LAMA3: variants seen among roughly 807,000 people sequenced by gnomAD.
LAMA3 encodes laminin subunit alpha 3, also known as laminin subunit alpha-3.
LAMA3 carries 281 observed loss-of-function variants against 402.0 expected under a neutral mutation model. The ratio of observed to expected loss-of-function variants is 0.70; its 90% CI spans 0.63 to 0.77. The LOEUF is 0.77. Ranked by LOEUF, LAMA3 falls within the 30% of genes least tolerant of loss-of-function variation. The pLI, the probability that LAMA3 is intolerant of heterozygous loss-of-function variation, is 0.00. For missense variants in LAMA3, 3,840 were observed against 4,215.5 expected (o/e 0.91, Z 2.47); for synonymous variants, 1,431 against 1,558.4 (o/e 0.92, Z 1.93).
chr18:23,954,598 GC>G lies in LAMA3; in HGVS notation c.9954del (p.Leu3319TrpfsTer9). 6.2e-7 allele frequency: 1 copy of G among 1,613,982 alleles called. No individual in the cohort carries two copies. Among genetic ancestry groups the G allele is most frequent in the Non-Finnish European group, 8.5e-7 (1 of 1,179,964 alleles). On this transcript the variant is annotated frameshift_variant, in exon 75 of 75. Coordinates refer to ENST00000313654, the MANE Select transcript of LAMA3 (RefSeq NM_198129.4). LOFTEE classifies it high-confidence loss of function. ...TCACATCCCTGTCCCTGTCACTGAA[GC>G]CTTGGAAGTCCAGGGGCCTGTCAGT... is the stretch of plus-strand genomic sequence containing the variant. ...VNHIPVPVTE[A>X]LEVQGPVSLN...
chr18:23,766,721 C>A (rs1218858858), intron 8 of LAMA3, among the ~76,000 whole-genome samples: 1 of 151,998 alleles, frequency 6.6e-6, no homozygotes. Flanking sequence ...CACCTGTAAT[C>A]CCAGATACTC....
At chr18:23,945,239 C>T (rs994985741) in intron 69 of LAMA3, among the ~76,000 whole-genome samples, 1 of 152,224 alleles carries the variant, frequency 6.6e-6, no homozygotes, top group African/African-American at 2.4e-5. Flanking sequence ...GCAGGGGGCC[C>T]ACATGGCTGC....
At chr18:23,869,697 A>G (rs1324866962) in intron 37 of LAMA3, among the ~76,000 whole-genome samples, 1 of 152,200 alleles carries the variant, frequency 6.6e-6, no homozygotes, top group Admixed American at 6.5e-5. Context: ...AGCACAAGAC[A>G]TTAGGTATTA....
In LAMA3 at chr18:23,894,945, G is replaced by A. The variant is rs138367453; in HGVS notation, c.5500G>A (p.Ala1834Thr). 45 of 1,614,050 alleles carry A rather than the reference G, an allele frequency of 2.8e-5. No individual in the cohort carries two copies. Among genetic ancestry groups the A allele is most frequent in the Non-Finnish European group, 3.6e-5 (42 of 1,180,034 alleles). ...TGTGATGACCCTCCTGAACGACCTG[G>A]CCACCATGGGCGAGCAGCTCCGCCT... ...SCVMTLLNDL[A>T]TMGEQLRLVK... The change falls in exon 44 of 75, where the codon GCC (alanine) becomes ACC (threonine). Residue 1834 changes from alanine (A) to threonine (T), a missense_variant. By Grantham distance (58) the Ala-to-Thr change is moderately conservative. Around this residue, in one of 3 missense-constraint regions of LAMA3, gnomAD observed 891 missense variants for 857.5 expected, o/e 1.04. Transcript: ENST00000313654.
intron 2 of LAMA3, among the ~76,000 whole-genome samples, chr18:23,747,546 T>C (rs1302312625): frequency 6.6e-6 from 1 of 152,200 alleles, no homozygotes; most frequent in Non-Finnish European, 1.5e-5. Context: ...AGGACACTGC[T>C]GGGAAACACT....
At chr18:23,860,809 T>A (rs2064200389) in intron 34 of LAMA3, among the ~76,000 whole-genome samples, 1 of 151,002 alleles carries the variant, frequency 6.6e-6, no homozygotes, top group Non-Finnish European at 1.5e-5. Flanking sequence ...TTCTTCTGCC[T>A]CAGGCTCCTG....
At chr18:23,735,967 C>T (rs1379738460) in intron 2 of LAMA3, among the ~76,000 whole-genome samples, 1 of 152,084 alleles carries the variant, frequency 6.6e-6, no homozygotes, top group Non-Finnish European at 1.5e-5. Context: ...CCCTCATCTG[C>T]CCTGCTCCTC....
intron 12 of LAMA3, among the ~76,000 whole-genome samples, chr18:23,806,268 A>G (rs188860137): frequency 1.3e-4 from 20 of 152,194 alleles, no homozygotes; most frequent in Admixed American, 1.2e-3. Context: ...CACATCCTTG[A>G]CATCTATTCT....
At chr18:23,939,862 T>A (rs2145467587) in intron 68 of LAMA3, among the ~76,000 whole-genome samples, 1 of 152,318 alleles carries the variant, frequency 6.6e-6, no homozygotes, top group South Asian at 2.1e-4. Flanking sequence ...GCAGAAATAT[T>A]AATTATGTCA....
rs1038102363 is a variant in LAMA3, at chr18:23,696,510, G to GT, written c.294+6541dup. Among the ~76,000 whole-genome samples, 3 of 151,544 alleles carry GT rather than the reference G, an allele frequency of 2.0e-5. No homozygotes were observed. The East Asian group carries it at 5.8e-4, about 29-fold the overall frequency. ...TGCTAAGAGCAGGTGAAATCCCCCTGTTTTTTTTGAGACGGAGTTTTGCTC... is the reference window on the plus strand; with the variant it reads ...TGCTAAGAGCAGGTGAAATCCCCCTGTTTTTTTTTGAGACGGAGTTTTGCTC... On this transcript the variant is annotated intron_variant, in intron 1 of 74. Transcript: ENST00000313654.
chr18:23,949,809 G>C lies in LAMA3; in HGVS notation c.9396G>C (p.Gln3132His). 4.3e-6 allele frequency: 7 copies of C among 1,614,068 alleles called. No individual in the cohort carries two copies. The highest frequency in any genetic ancestry group is 5.1e-6 in the Non-Finnish European group (6 of 1,180,016). Residue 3132 changes from glutamine to histidine, a missense_variant, in exon 71 of 75, where the codon CAG (glutamine) becomes CAC (histidine). By Grantham distance (24) the Gln-to-His change is conservative. This residue lies in a region of LAMA3 where 840 missense variants were observed against 981.9 expected (regional missense o/e 0.86). Coordinates refer to ENST00000313654, the MANE Select transcript of LAMA3 (RefSeq NM_198129.4). ...NSFVGCLKNF[Q>H]LDSKPLYTPS... is the part of the protein sequence containing the mutation. ...TTGTGGGATGCCTGAAGAACTTTCA[G>C]CTGGATTCAAAACCCTTGTATACCC...
intron 2 of LAMA3, among the ~76,000 whole-genome samples, chr18:23,742,790 A>C (rs542345740): frequency 1.1e-4 from 16 of 152,292 alleles, no homozygotes; most frequent in African/African-American, 2.6e-4. Context: ...CAAATTATGC[A>C]AAATAAAAAG....
At chr18:23,712,929 T>C (rs746102116) in intron 1 of LAMA3, among the ~76,000 whole-genome samples, 2 of 151,802 alleles carry the variant, frequency 1.3e-5, no homozygotes, top group Non-Finnish European at 2.9e-5. Flanking sequence ...AGTCCATCCC[T>C]GGGAAGCATG....
intron 12 of LAMA3, among the ~76,000 whole-genome samples, chr18:23,809,712 G>A (rs2063030183): frequency 6.6e-6 from 1 of 152,142 alleles, no homozygotes; most frequent in Non-Finnish European, 1.5e-5. Context: ...AACAGCTTGG[G>A]GGAGGGAGGA....
chr18:23,801,262 AACAAAAG>A (rs1412549764), intron 12 of LAMA3, among the ~76,000 whole-genome samples: 1 of 152,306 alleles, frequency 6.6e-6, no homozygotes, highest in East Asian at 1.9e-4. Flanking sequence ...TAAAGATGAG[AACAAAAG>A]ACACTGGAGG....
At chr18:23,785,337 C>T (rs1396676314) in intron 12 of LAMA3, among the ~76,000 whole-genome samples, 1 of 152,212 alleles carries the variant, frequency 6.6e-6, no homozygotes, top group African/African-American at 2.4e-5. Context: ...GTCATCTCAC[C>T]TGCAAGGTCA....
intron 1 of LAMA3, among the ~76,000 whole-genome samples, chr18:23,694,018 G>T (rs1057475063): frequency 1.3e-5 from 2 of 152,108 alleles, no homozygotes; most frequent in Non-Finnish European, 2.9e-5. Context: ...TTGCAATAAA[G>T]AACTGTTTGA....
At chr18:23,792,043 A>G (rs895272484) in intron 12 of LAMA3, among the ~76,000 whole-genome samples, 22 of 152,028 alleles carry the variant, frequency 1.4e-4, no homozygotes, top group African/African-American at 5.1e-4. Context: ...ATTTTATGAC[A>G]CTTTCGACTC....
intron 68 of LAMA3, among the ~76,000 whole-genome samples, chr18:23,941,067 C>G (rs1397199787): frequency 6.6e-6 from 1 of 151,928 alleles, no homozygotes; most frequent in Non-Finnish European, 1.5e-5. Flanking sequence ...TCCTGAGTAG[C>G]TGGGACTATA....
Sources: allele counts gnomAD v4.1 joint callset (sites outside exome capture counted in the v4.1 genomes callset), GRCh38; gene constraint gnomAD v4.1.1; regional missense constraint gnomAD v4.1.1; transcripts MANE v1.5; gene names NCBI Gene and HGNC (gene_info 2026-07-23, HGNC 2026-07-21).